The following ABCA12 variants were observed in gnomAD, a reference collection of about 807,000 sequenced individuals.
ABCA12 encodes ATP binding cassette subfamily A member 12.
In ABCA12, 156 loss-of-function variants were observed where a neutral mutation model predicts 293.5. The ratio of observed to expected loss-of-function variants is 0.53; its 90% CI spans 0.47 to 0.61. The LOEUF (loss-of-function observed/expected upper bound fraction) is 0.61. Ranked by LOEUF, ABCA12 falls within the 20% of genes least tolerant of loss-of-function variation. The pLI is 0.00. For missense variants in ABCA12, 2,797 were observed against 3,090.2 expected (o/e 0.91, Z 2.25); for synonymous variants, 1,063 against 1,108.0 (o/e 0.96, Z 0.81).
At chr2:215,070,404 A>G (rs1701714033) in intron 2 of ABCA12, among the ~76,000 whole-genome samples, 1 of 151,968 alleles carries the variant, frequency 6.6e-6, no homozygotes, top group Non-Finnish European at 1.5e-5. Context: ...TATTATTATT[A>G]TACTTTAAGT....
intron 2 of ABCA12, among the ~76,000 whole-genome samples, chr2:215,110,527 C>T (rs1333891732): frequency 1.3e-5 from 2 of 151,842 alleles, no homozygotes; most frequent in East Asian, 3.9e-4. Flanking sequence ...CAAAACAAAA[C>T]AAAAAAGAAA....
At chr2:214,994,359 T>C (rs969414240) in intron 23 of ABCA12, among the ~76,000 whole-genome samples, 1 of 152,194 alleles carries the variant, frequency 6.6e-6, no homozygotes, top group African/African-American at 2.4e-5. Context: ...TCTGATAACC[T>C]GTTGCTCAAA....
At position 215,015,643 on chromosome 2, in the gene ABCA12, C is replaced by A. The variant is rs1574984891; in HGVS notation, c.1803G>T (p.Trp601Cys). ...TGATATTAGTATCACAGGAATGCAGCCAGAACACCTGAGAAATAATCTGCA... is the reference window on the plus strand; with the variant it reads ...TGATATTAGTATCACAGGAATGCAGACAGAACACCTGAGAAATAATCTGCA... ...NRAEIISQVF[W>C]LHSCDTNITT... Residue 601 changes from tryptophan (W) to cysteine (C), a missense_variant, in exon 15 of 53, where the codon TGG becomes TGT. This residue lies in a region of ABCA12 where 2,130 missense variants were observed against 2,427.0 expected (regional missense o/e 0.88). Coordinates refer to ENST00000272895, the MANE Select transcript of ABCA12 (RefSeq NM_173076.3). 6.2e-7 allele frequency: 1 copy of A among 1,613,908 alleles called. No individual in the cohort carries two copies. Among genetic ancestry groups the A allele is most frequent in the Non-Finnish European group, 8.5e-7 (1 of 1,179,910 alleles).
rs1700478054 is a variant in ABCA12, at chr2:215,015,665, T to G, written c.1783-2A>C. On this transcript the variant is annotated splice_acceptor_variant, in intron 14 of 52. Coordinates refer to ENST00000272895, the MANE Select transcript of ABCA12 (RefSeq NM_173076.3). LOFTEE classifies it high-confidence loss of function. Reference sequence around the variant, plus strand: ...CAGCCAGAACACCTGAGAAATAATCTGCAAATGGAGGAAGAAAAATATTTC... The same window carrying G: ...CAGCCAGAACACCTGAGAAATAATCGGCAAATGGAGGAAGAAAAATATTTC... 6.2e-7 allele frequency: 1 copy of G among 1,613,712 alleles called. No homozygotes were observed. Among genetic ancestry groups the G allele is most frequent in the Non-Finnish European group, 8.5e-7 (1 of 1,179,648 alleles).
At chr2:215,077,174 G>A (rs185362899) in intron 2 of ABCA12, among the ~76,000 whole-genome samples, 2 of 152,200 alleles carry the variant, frequency 1.3e-5, no homozygotes, top group East Asian at 3.9e-4. Flanking sequence ...AAATATTAGA[G>A]TCTGATAAAG....
intron 8 of ABCA12, among the ~76,000 whole-genome samples, chr2:215,035,495 C>G (rs578137212): frequency 6.6e-6 from 1 of 151,786 alleles, no homozygotes; most frequent in Admixed American, 6.6e-5. Flanking sequence ...TGGTGAAACC[C>G]CATCTCTACT....
intron 1 of ABCA12, among the ~76,000 whole-genome samples, chr2:215,132,925 T>C (rs1336803657): frequency 6.6e-6 from 1 of 152,024 alleles, no homozygotes; most frequent in African/African-American, 2.4e-5. Context: ...AGGCTAATAA[T>C]GACAAATTCT....
At chr2:215,107,488 C>A (rs549545851) in intron 2 of ABCA12, among the ~76,000 whole-genome samples, 6 of 152,298 alleles carry the variant, frequency 3.9e-5, no homozygotes, top group South Asian at 2.1e-4. Context: ...AAAAGGTTTT[C>A]TTCACCTGGG....
chr2:215,095,520 G>T (rs1702232952), intron 2 of ABCA12, among the ~76,000 whole-genome samples: 1 of 152,004 alleles, frequency 6.6e-6, no homozygotes, highest in Non-Finnish European at 1.5e-5. Context: ...TCCCATTCTA[G>T]GTTCCCACAC....
chr2:215,113,059 A>T (rs904414477), intron 1 of ABCA12, among the ~76,000 whole-genome samples: 6 of 152,172 alleles, frequency 3.9e-5, no homozygotes, highest in Non-Finnish European at 5.9e-5. Context: ...TTCTGGTCAG[A>T]CTTATCTTTT....
At chr2:215,111,572 A>C in intron 2 of ABCA12, 25 bp downstream of exon 2, 1 of 1,554,828 alleles carries the variant, frequency 6.4e-7, no homozygotes, top group Non-Finnish European at 8.9e-7. Context: ...AAAATTAAGG[A>C]AATAAACAAA....
rs1700370746 is a variant in ABCA12 at position 215,011,472 on chromosome 2, T to C, written c.2299A>G (p.Ile767Val). The change falls in exon 17 of 53, where the codon ATT becomes GTT. Residue 767 changes from isoleucine (I) to valine (V), a missense_variant. Ile to Val is a conservative substitution (Grantham distance 29, BLOSUM62 3). This residue lies in a region of ABCA12 where 2,130 missense variants were observed against 2,427.0 expected (regional missense o/e 0.88). Transcript: ENST00000272895. ...FLTYKLTKEQ[I>V]ASKYGIPINS... ...ATGGGAATTCCATATTTTGAAGCAA[T>C]TTGCTCTTTAGTTAATTTATAAGTC... 6.2e-7 allele frequency: 1 copy of C among 1,613,800 alleles called. No individual in the cohort carries two copies. Among genetic ancestry groups the C allele is most frequent in the Admixed American group, 1.7e-5 (1 of 59,984 alleles).
chr2:214,969,412 C>A (rs1432805429), intron 37 of ABCA12, among the ~76,000 whole-genome samples: 1 of 151,994 alleles, frequency 6.6e-6, no homozygotes, highest in South Asian at 2.1e-4. Flanking sequence ...AAATTAAGGA[C>A]AGACTAAATA....
At position 214,975,941 on chromosome 2, in the gene ABCA12, C is replaced by T; in HGVS notation, c.5225G>A (p.Arg1742Lys). The T allele has an allele frequency of 6.2e-7, 1 of 1,614,086 alleles. No individual in the cohort carries two copies. Among genetic ancestry groups the T allele is most frequent in the East Asian group, 2.2e-5 (1 of 44,878 alleles). ...ILIKRFHHTR[R>K]NWKGLIAQVI... ...CTGAGCAATGAGACCTTTCCAGTTC[C>T]TGCGGGTGTGGTGGAACCTCTTGAT... Residue 1742 changes from arginine (R) to lysine (K), a missense_variant, in exon 34 of 53, where the codon AGG (arginine) becomes AAG (lysine). Around this residue, in one of 3 missense-constraint regions of ABCA12, gnomAD observed 2,130 missense variants for 2,427.0 expected, o/e 0.88. Coordinates refer to ENST00000272895, the MANE Select transcript of ABCA12 (RefSeq NM_173076.3).
At position 215,062,498 on chromosome 2, in the gene ABCA12, C is replaced by T. The variant is rs561801791; in HGVS notation, c.317+1568G>A. 4.0e-4 allele frequency among the ~76,000 whole-genome samples: 61 copies of T among 152,130 alleles called. 1 individual carries two copies. In the East Asian group the frequency reaches 0.01, roughly 26 times the overall value. ...TCAGATGGCTTCTCCTTACACTAAA[C>T]ACACAATGCGAATCCCCTTACCTTT... On this transcript the variant is annotated intron_variant, in intron 3 of 52. Coordinates refer to ENST00000272895, the MANE Select transcript of ABCA12 (RefSeq NM_173076.3).
At chr2:215,136,541 C>G (rs1307166535) in intron 1 of ABCA12, among the ~76,000 whole-genome samples, 1 of 152,036 alleles carries the variant, frequency 6.6e-6, no homozygotes. Context: ...GACAATAACA[C>G]GTACAGATTT....
chr2:214,956,643 T>C lies in ABCA12; in HGVS notation c.6233+20A>G, dbSNP rs1432313310. 1 of 1,541,084 alleles carries C rather than the reference T, an allele frequency of 6.5e-7. No homozygotes were observed. The highest frequency in any genetic ancestry group is 1.7e-5 in the Admixed American group (1 of 59,750). On this transcript the variant is annotated intron_variant, in intron 42 of 52. Coordinates refer to ENST00000272895, the MANE Select transcript of ABCA12 (RefSeq NM_173076.3). ...TTTAATTCTATTAATTCTTCTTTCA[T>C]TGCTTAATCAGCAGCTTACCCAAAC...
rs1280506321 is a variant in ABCA12, at chr2:214,949,126, A to G, written c.6876T>C (p.Asn2292=). 5.0e-6 allele frequency: 8 copies of G among 1,613,750 alleles called. No homozygotes were observed. The South Asian group carries it at 7.7e-5, about 16-fold the overall frequency. Residue 2292 remains asparagine (N), a synonymous_variant, in exon 46 of 53, where the codon AAT becomes AAC. Coordinates refer to ENST00000272895, the MANE Select transcript of ABCA12 (RefSeq NM_173076.3). The part of the protein sequence containing the change: ...AGECFGLLGV[N]GAGKTTIFKM... ...TGAATATAGTGGTCTTTCCTGCTCC[A>G]TTCACTCCAAGAAGCCCAAAACACT...
intron 37 of ABCA12, among the ~76,000 whole-genome samples, 162 bp downstream of exon 37, chr2:214,970,111 G>A (rs1447313764): frequency 6.6e-6 from 1 of 151,874 alleles, no homozygotes; most frequent in Non-Finnish European, 1.5e-5. Context: ...TCTTAATTTA[G>A]AGTCATTATT....
Sources: allele counts gnomAD v4.1 joint callset (sites outside exome capture counted in the v4.1 genomes callset), GRCh38; gene constraint gnomAD v4.1.1; regional missense constraint gnomAD v4.1.1; transcripts MANE v1.5; gene names NCBI Gene and HGNC (gene_info 2026-07-23, HGNC 2026-07-21).